Variants in XKR6 observed in about 807,000 individuals in gnomAD.
XKR6 encodes XK related 6, also known as XK-related protein 6.
Under a neutral mutation model 56.7 loss-of-function variants are expected in XKR6, and 22 were observed. The ratio of observed to expected loss-of-function variants is 0.39; its 90% confidence interval spans 0.28 to 0.55. The LOEUF (loss-of-function observed/expected upper bound fraction) is 0.55, where lower values mean the gene tolerates loss of function less well. Among genes scored for constraint, XKR6 ranks in the 20% least tolerant of loss-of-function variants. XKR6 has a pLI of 0.66. For missense variants in XKR6, 852 were observed against 889.0 expected (o/e 0.96, Z 0.53); for synonymous variants, 524 against 387.8 (o/e 1.35, Z -4.13).
intron 1 of XKR6, among the ~76,000 whole-genome samples, chr8:11,154,333 T>C (rs1206878517): frequency 6.6e-6 from 1 of 152,222 alleles, no homozygotes; most frequent in Non-Finnish European, 1.5e-5. Context: ...AAGAGATTCC[T>C]TGGTTGGCAA....
At chr8:11,131,488 T>C (rs920105471) in intron 1 of XKR6, among the ~76,000 whole-genome samples, 1 of 152,166 alleles carries the variant, frequency 6.6e-6, no homozygotes. Flanking sequence ...ATGATGTAAA[T>C]AAAGCTAACG....
At chr8:11,110,649 C>G (rs1798852890) in intron 1 of XKR6, among the ~76,000 whole-genome samples, 1 of 152,134 alleles carries the variant, frequency 6.6e-6, no homozygotes, top group Non-Finnish European at 1.5e-5. Context: ...GTATCTGCCC[C>G]AGAATGCTTC....
chr8:11,104,028 T>A lies in XKR6; in HGVS notation c.764+96548A>T, dbSNP rs1165265187. The stretch of plus-strand genomic sequence containing the variant: ...ATCCCTCGTACCAATTTCATTTTAT[T>A]CAGTAATTTCATTCTTGCTTTCAAG... On this transcript the variant is annotated intron_variant, in intron 1 of 2. Coordinates refer to ENST00000416569, the MANE Select transcript of XKR6 (RefSeq NM_173683.4). Among the ~76,000 whole-genome samples, 7 of 152,354 alleles carry A rather than the reference T, an allele frequency of 4.6e-5. No homozygotes were observed. The East Asian group carries it at 1.3e-3, about 29-fold the overall frequency.
chr8:11,030,114 C>A (rs1382408098), intron 1 of XKR6, among the ~76,000 whole-genome samples: 2 of 152,136 alleles, frequency 1.3e-5, no homozygotes, highest in Non-Finnish European at 2.9e-5. Context: ...CTGCAGCTGT[C>A]CCAGCTCACT....
intron 1 of XKR6, among the ~76,000 whole-genome samples, chr8:11,155,849 A>T (rs1261450668): frequency 6.6e-6 from 1 of 152,226 alleles, no homozygotes; most frequent in Non-Finnish European, 1.5e-5. Context: ...TTGCATTTTC[A>T]GGATAAAGCT....
At position 11,193,018 on chromosome 8, in the gene XKR6, C is replaced by T. The variant is rs377731575; in HGVS notation, c.764+7558G>A. 2.0e-4 allele frequency among the ~76,000 whole-genome samples: 31 copies of T among 152,300 alleles called. No homozygotes were observed. In the South Asian group the frequency reaches 5.6e-3, roughly 28 times the overall value. On this transcript the variant is annotated intron_variant, in intron 1 of 2. Transcript: ENST00000416569. ...TATTTAAGACGGAAAGAAAAGGAAG[C>T]ATCATGGTGATATGAATGTTTTAGC...
intron 1 of XKR6, among the ~76,000 whole-genome samples, chr8:11,067,822 T>G (rs903059534): frequency 6.6e-6 from 1 of 152,212 alleles, no homozygotes; most frequent in African/African-American, 2.4e-5. Flanking sequence ...CCTCCCACTT[T>G]TTGCCCCATC....
chr8:11,172,310 C>T (rs1329257535), intron 1 of XKR6, among the ~76,000 whole-genome samples: 2 of 152,126 alleles, frequency 1.3e-5, no homozygotes, highest in African/African-American at 2.4e-5. Flanking sequence ...GTCGAGGCTG[C>T]GGCAAGCCAT....
chr8:10,944,306 A>C (rs181115947), intron 1 of XKR6, among the ~76,000 whole-genome samples: 1 of 152,218 alleles, frequency 6.6e-6, no homozygotes, highest in Non-Finnish European at 1.5e-5. Flanking sequence ...TTTAAGTTGA[A>C]CACAAGAAAG....
chr8:11,026,764 A>AGCCTACTACACATCTG (rs1798876714), intron 1 of XKR6, among the ~76,000 whole-genome samples: 1 of 150,260 alleles, frequency 6.7e-6, no homozygotes, highest in African/African-American at 2.5e-5. Context: ...CTACACATCT[A>AGCCTACTACACATCTG]GATAGCCTAA....
intron 1 of XKR6, among the ~76,000 whole-genome samples, chr8:11,161,370 T>C (rs2117012259): frequency 6.6e-6 from 1 of 152,266 alleles, no homozygotes; most frequent in East Asian, 1.9e-4. Context: ...TTCATTCCTC[T>C]CCTCTCCTCA....
intron 2 of XKR6, among the ~76,000 whole-genome samples, chr8:10,915,763 T>C (rs1436306605): frequency 6.6e-6 from 1 of 152,098 alleles, no homozygotes; most frequent in Admixed American, 6.5e-5. Flanking sequence ...CTCCTCAAAA[T>C]GAGAGGAGAA....
chr8:11,093,312 C>A (rs1455096418), intron 1 of XKR6, among the ~76,000 whole-genome samples: 2 of 152,238 alleles, frequency 1.3e-5, no homozygotes, highest in Non-Finnish European at 2.9e-5. Flanking sequence ...ACCTCGGCCT[C>A]CCAAAGTGCT....
At chr8:11,196,667 G>A (rs999623459) in intron 1 of XKR6, among the ~76,000 whole-genome samples, 4 of 152,246 alleles carry the variant, frequency 2.6e-5, no homozygotes, top group African/African-American at 7.2e-5. Context: ...GAATAAGCCT[G>A]AAATCCAGTT....
chr8:11,150,852 C>CA (rs546547767), intron 1 of XKR6, among the ~76,000 whole-genome samples: 5,635 of 89,372 alleles, frequency 0.063, 600 homozygotes, highest in African/African-American at 0.23. Context: ...GACTCCATCT[C>CA]AAAAAAAAAA....
chr8:10,993,510 G>A (rs1348120134), intron 1 of XKR6, among the ~76,000 whole-genome samples: 1 of 152,236 alleles, frequency 6.6e-6, no homozygotes, highest in Non-Finnish European at 1.5e-5. Flanking sequence ...CGGGCCCAGG[G>A]CCTGTGTCTT....
chr8:11,162,335 T>C lies in XKR6; in HGVS notation c.764+38241A>G, dbSNP rs77634568. Among the ~76,000 whole-genome samples the C allele has an allele frequency of 6.3e-3, 952 of 152,222 alleles. 11 individuals are homozygous for C. Among genetic ancestry groups the C allele is most frequent in the African/African-American group, 0.022 (903 of 41,530 alleles). On this transcript the variant is annotated intron_variant, in intron 1 of 2. Coordinates refer to ENST00000416569, the MANE Select transcript of XKR6 (RefSeq NM_173683.4). ...CTTCTCCCCCTTGGCCCTGAAGAGC[T>C]ACACTCCAGCCTCCCAAACTCACTC...
At chr8:11,097,667 C>T (rs1018336261) in intron 1 of XKR6, among the ~76,000 whole-genome samples, 21 of 151,520 alleles carry the variant, frequency 1.4e-4, no homozygotes, top group African/African-American at 3.4e-4. Flanking sequence ...ATTAGCCGGG[C>T]GTGGTGGTGC....
chr8:11,060,855 A>T (rs1799815733), intron 1 of XKR6, among the ~76,000 whole-genome samples: 1 of 152,262 alleles, frequency 6.6e-6, no homozygotes, highest in Non-Finnish European at 1.5e-5. Flanking sequence ...AGTGATAGCA[A>T]GTGTGCCATA....
Sources: gnomAD v4.1 joint callset for allele counts (sites outside exome capture counted in the v4.1 genomes callset) on GRCh38, gnomAD v4.1.1 for gene constraint, MANE v1.5 for transcripts, NCBI Gene and HGNC (gene_info 2026-07-23, HGNC 2026-07-21) for gene names.